The following TSPAN12 variants were observed in gnomAD, a reference collection of about 807,000 sequenced individuals.
TSPAN12 encodes tetraspanin-12.
A neutral mutation model predicts 39.2 loss-of-function variants in TSPAN12; 19 were observed. The observed-to-expected ratio is 0.49, with a 90% confidence interval of 0.34 to 0.71. TSPAN12 has a LOEUF of 0.71. TSPAN12 is among the 30% of genes least tolerant of loss of function. TSPAN12 has a pLI of 0.01. For missense variants in TSPAN12, 314 were observed against 359.9 expected (o/e 0.87, Z 1.03); for synonymous variants, 119 against 124.8 (o/e 0.95, Z 0.31).
At chr7:120,789,049 G>A (rs1159532828) in intron 7 of TSPAN12, 152 bp from the exon 8 acceptor site, 1 of 805,736 alleles carries the variant, frequency 1.2e-6, no homozygotes, top group Admixed American at 2.2e-5. Context: ...AAGCTGATGA[G>A]AAGAAGGAGA....
chr7:120,851,105 G>A (rs563708674), intron 2 of TSPAN12, among the ~76,000 whole-genome samples: 17 of 152,290 alleles, frequency 1.1e-4, no homozygotes, highest in African/African-American at 2.6e-4. Context: ...CATTCATAGC[G>A]TAAAGTTGGG....
chr7:120,801,103 C>T (rs1315373003), intron 7 of TSPAN12, among the ~76,000 whole-genome samples: 1 of 152,050 alleles, frequency 6.6e-6, no homozygotes, highest in Non-Finnish European at 1.5e-5. Flanking sequence ...TTGTCTTTAA[C>T]AAGTGTCATT....
At chr7:120,792,770 G>A (rs560813434) in intron 7 of TSPAN12, among the ~76,000 whole-genome samples, 1 of 152,148 alleles carries the variant, frequency 6.6e-6, no homozygotes, top group African/African-American at 2.4e-5. Flanking sequence ...CACAGCAAAC[G>A]CTGGAGAGGT....
chr7:120,798,254 C>A (rs1284281325), intron 7 of TSPAN12, among the ~76,000 whole-genome samples: 1 of 152,068 alleles, frequency 6.6e-6, no homozygotes, highest in African/African-American at 2.4e-5. Context: ...GGGATCTTCC[C>A]CCCTACCAAG....
chr7:120,847,527 T>A (rs1276762265), intron 2 of TSPAN12, among the ~76,000 whole-genome samples: 1 of 152,188 alleles, frequency 6.6e-6, no homozygotes, highest in African/African-American at 2.4e-5. Flanking sequence ...CCTCCCACTG[T>A]TTTTCCTGTA....
intron 5 of TSPAN12, among the ~76,000 whole-genome samples, chr7:120,812,489 A>C (rs1270447772): frequency 6.6e-6 from 1 of 152,212 alleles, no homozygotes. Flanking sequence ...ACAGAACTAG[A>C]GATTAGGATT....
chr7:120,835,785 G>T (rs1359465073), intron 4 of TSPAN12, among the ~76,000 whole-genome samples: 1 of 152,188 alleles, frequency 6.6e-6, no homozygotes, highest in Non-Finnish European at 1.5e-5. Flanking sequence ...ATTTGAAGAG[G>T]TAGCATTTCA....
chr7:120,855,150 AAACAAC>A (rs1055814790), intron 2 of TSPAN12, among the ~76,000 whole-genome samples: 1 of 152,174 alleles, frequency 6.6e-6, no homozygotes, highest in South Asian at 2.1e-4. Context: ...ATTCTTTATT[AAACAAC>A]AACAACAACA....
chr7:120,817,133 GT>G (rs1314264580), intron 4 of TSPAN12, among the ~76,000 whole-genome samples: 1 of 152,060 alleles, frequency 6.6e-6, no homozygotes, highest in African/African-American at 2.4e-5. Flanking sequence ...CAACGTTTGG[GT>G]TTTGGGAGGT....
intron 7 of TSPAN12, among the ~76,000 whole-genome samples, chr7:120,794,774 A>ACAGT (rs10666232): frequency 0.66 from 99,938 of 151,572 alleles, 33,420 homozygotes; most frequent in Middle Eastern, 0.81. Context: ...TCTTGAGAGG[A>ACAGT]CAGTATTTTT....
At chr7:120,836,621 T>C (rs956918906) in intron 4 of TSPAN12, among the ~76,000 whole-genome samples, 2 of 152,160 alleles carry the variant, frequency 1.3e-5, no homozygotes, top group Non-Finnish European at 2.9e-5. Flanking sequence ...AGAGGTCTTA[T>C]CTCATAAAGA....
At chr7:120,801,022 G>A (rs925024820) in intron 7 of TSPAN12, among the ~76,000 whole-genome samples, 1 of 152,098 alleles carries the variant, frequency 6.6e-6, no homozygotes, top group African/African-American at 2.4e-5. Context: ...CTGACCACAA[G>A]TGATCCACCC....
intron 2 of TSPAN12, among the ~76,000 whole-genome samples, chr7:120,845,622 A>T (rs1794656353): frequency 1.3e-5 from 2 of 152,238 alleles, no homozygotes; most frequent in Non-Finnish European, 2.9e-5. Context: ...CAGGGGAACA[A>T]TGCCACAAGT....
chr7:120,821,921 A>G (rs1377216025), intron 4 of TSPAN12, among the ~76,000 whole-genome samples: 1 of 152,106 alleles, frequency 6.6e-6, no homozygotes, highest in East Asian at 1.9e-4. Flanking sequence ...ATCCCTGTCC[A>G]GTGAGACTGT....
chr7:120,803,174 T>C (rs1043370333), intron 7 of TSPAN12, among the ~76,000 whole-genome samples: 3 of 152,178 alleles, frequency 2.0e-5, no homozygotes, highest in Non-Finnish European at 4.4e-5. Flanking sequence ...TGTCTCACAA[T>C]TGGATGGATT....
chr7:120,826,747 GA>G (rs1428458276), intron 4 of TSPAN12, among the ~76,000 whole-genome samples: 1 of 152,042 alleles, frequency 6.6e-6, no homozygotes, highest in Admixed American at 6.6e-5. Context: ...TTTGGAGACA[GA>G]GTCTCATTCT....
intron 2 of TSPAN12, among the ~76,000 whole-genome samples, chr7:120,850,980 G>A (rs1222474112): frequency 2.0e-5 from 3 of 152,216 alleles, no homozygotes; most frequent in Non-Finnish European, 4.4e-5. Flanking sequence ...ATGAGACACC[G>A]CGTCCGGCTG....
At chr7:120,847,184 C>T (rs1794685174) in intron 2 of TSPAN12, among the ~76,000 whole-genome samples, 1 of 149,424 alleles carries the variant, frequency 6.7e-6, no homozygotes, top group African/African-American at 2.5e-5. Context: ...GTTTTCTCAC[C>T]TGTAAAATGA....
At chr7:120,800,138 A>G (rs1793737835) in intron 7 of TSPAN12, among the ~76,000 whole-genome samples, 1 of 152,092 alleles carries the variant, frequency 6.6e-6, no homozygotes, top group African/African-American at 2.4e-5. Context: ...ACAGCAGAGT[A>G]TAGAGGAGAC....
Sources: allele counts gnomAD v4.1 joint callset (sites outside exome capture counted in the v4.1 genomes callset), GRCh38; gene constraint gnomAD v4.1.1; transcripts MANE v1.5; gene names NCBI Gene and HGNC (gene_info 2026-07-23, HGNC 2026-07-21).